BUB1B: variants seen among roughly 807,000 people sequenced by gnomAD.
BUB1B encodes the protein mitotic checkpoint serine/threonine-protein kinase BUB1 beta.
A neutral mutation model predicts 137.7 loss-of-function variants in BUB1B; 86 were observed. That is an observed-to-expected ratio of 0.62 (90% CI 0.52 to 0.75). The LOEUF is 0.75. Ranked by LOEUF, BUB1B falls within the 30% of genes least tolerant of loss-of-function variation. BUB1B has a pLI of 0.00. For missense variants in BUB1B, 1,130 were observed against 1,236.9 expected (o/e 0.91, Z 1.30); for synonymous variants, 420 against 417.9 (o/e 1.00, Z -0.06).
chr15:40,179,466 C>A (rs1371467842), intron 5 of BUB1B, among the ~76,000 whole-genome samples: 1 of 152,090 alleles, frequency 6.6e-6, no homozygotes, highest in Admixed American at 6.5e-5. Context: ...TTTAGTGACA[C>A]TTATGTTAAT....
At chr15:40,187,637 C>T (rs1447162613) in intron 8 of BUB1B, among the ~76,000 whole-genome samples, 2 of 151,966 alleles carry the variant, frequency 1.3e-5, no homozygotes, top group Non-Finnish European at 2.9e-5. Context: ...AGCTTGGCAT[C>T]GTGGCTCATG....
rs72731441 is a variant in BUB1B, at chr15:40,167,633, G to A, written c.180-2429G>A. Among the ~76,000 whole-genome samples the A allele has an allele frequency of 4.8e-3, 730 of 152,254 alleles. 5 individuals are homozygous for A. The highest frequency in any genetic ancestry group is 7.0e-3 in the Non-Finnish European group (479 of 68,024). On this transcript the variant is annotated intron_variant, in intron 2 of 22. Coordinates refer to ENST00000287598, the MANE Select transcript of BUB1B (RefSeq NM_001211.6). ...TGGGATTACGGGCATGAGCCACTGC[G>A]TCCAGCCAAGCATTATTTTAGCTTT...
chr15:40,171,760 A>G (rs1202705937), intron 4 of BUB1B, among the ~76,000 whole-genome samples: 1 of 152,116 alleles, frequency 6.6e-6, no homozygotes, highest in African/African-American at 2.4e-5. Flanking sequence ...CACCTAGTAT[A>G]TTGCTACAGC....
chr15:40,210,639 A>G (rs1457179953), intron 18 of BUB1B, among the ~76,000 whole-genome samples: 1 of 152,074 alleles, frequency 6.6e-6, no homozygotes, highest in Admixed American at 6.6e-5. Flanking sequence ...CCTCTGGAAT[A>G]GCTGGGACCG....
chr15:40,165,302 T>C, intron 2 of BUB1B, 106 bp downstream of exon 2: 3 of 1,479,340 alleles, frequency 2.0e-6, no homozygotes, highest in East Asian at 2.3e-5. Flanking sequence ...TTTTCAAAAA[T>C]TGGTAGTATG....
At chr15:40,212,438 A>G (rs932343165) in intron 18 of BUB1B, 61 bp from the exon 19 acceptor site, 2 of 1,360,784 alleles carry the variant, frequency 1.5e-6, no homozygotes, top group Non-Finnish European at 2.1e-6. Flanking sequence ...AATGTGTTTC[A>G]ACCTGCCAGC....
In BUB1B at chr15:40,199,640, G is replaced by A; in HGVS notation, c.1314G>A (p.Lys438=). The change falls in exon 10 of 23, where the codon AAG becomes AAA. Residue 438 remains lysine, a synonymous_variant. Coordinates refer to ENST00000287598, the MANE Select transcript of BUB1B (RefSeq NM_001211.6). ...REAELLTSAE[K]RAEMQKQIEE... is the part of the protein sequence containing the mutation. ...CCGAGCTATTGACCAGTGCAGAGAA[G>A]AGAGCAGAAATGCAGAAACAGATTG... The A allele has an allele frequency of 6.2e-7, 1 of 1,613,998 alleles. No individual in the cohort carries two copies. The highest frequency in any genetic ancestry group is 8.5e-7 in the Non-Finnish European group (1 of 1,179,898).
chr15:40,196,551 A>G lies in BUB1B; in HGVS notation c.1065A>G (p.Pro355=). The G allele has an allele frequency of 6.2e-7, 1 of 1,613,528 alleles. No homozygotes were observed. The highest frequency in any genetic ancestry group is 8.5e-7 in the Non-Finnish European group (1 of 1,179,568). Residue 355 remains proline (P), a synonymous_variant, in exon 9 of 23, where the codon CCA becomes CCG. Coordinates refer to ENST00000287598, the MANE Select transcript of BUB1B (RefSeq NM_001211.6). ...EETARQPVMT[P]CKIEPSINHI... ...AGTAATTTTGCTTCTTTAGGACACC[A>G]TGTAAAATTGAACCTAGTATAAACC...
intron 4 of BUB1B, among the ~76,000 whole-genome samples, chr15:40,175,680 A>G (rs1403549683): frequency 6.6e-6 from 1 of 152,154 alleles, no homozygotes; most frequent in Non-Finnish European, 1.5e-5. Flanking sequence ...TGACTATGTC[A>G]TTCCTTTGCT....
At chr15:40,216,566 TATATA>T (rs1389645171) in intron 20 of BUB1B, among the ~76,000 whole-genome samples, 1,188 of 95,706 alleles carry the variant, frequency 0.012, 29 homozygotes, top group East Asian at 0.079. Context: ...TATATATATA[TATATA>T]TTTTTTTTTT....
intron 8 of BUB1B, among the ~76,000 whole-genome samples, chr15:40,188,662 A>T (rs931971933): frequency 1.4e-5 from 2 of 145,974 alleles, no homozygotes; most frequent in African/African-American, 5.1e-5. Context: ...AGCTCACTGT[A>T]ACCTCCGCCT....
At chr15:40,200,414 C>A (rs944584776) in intron 11 of BUB1B, 55 bp downstream of exon 11, 15 of 1,332,072 alleles carry the variant, frequency 1.1e-5, no homozygotes, top group Non-Finnish European at 1.5e-5. Context: ...TTAGAACCAA[C>A]CTTTGACTCT....
chr15:40,200,309 A>G lies in BUB1B; in HGVS notation c.1467A>G (p.Ile489Met). 6.2e-7 allele frequency: 1 copy of G among 1,614,030 alleles called. No homozygotes were observed. The highest frequency in any genetic ancestry group is 1.3e-5 in the African/African-American group (1 of 75,058). Residue 489 changes from isoleucine (I) to methionine (M), a missense_variant, in exon 11 of 23, where the codon ATA becomes ATG. Transcript: ENST00000287598. Reference protein sequence around the residue: ...KLQIASESQKIPGMTLSSSVC... With the variant: ...KLQIASESQKMPGMTLSSSVC... ...AAATTGCTTCCGAGTCTCAGAAAAT[A>G]CCAGGAATGACTCTATCCAGTTCTG...
chr15:40,207,963 C>T (rs2037658204), intron 15 of BUB1B, among the ~76,000 whole-genome samples: 1 of 149,432 alleles, frequency 6.7e-6, no homozygotes, highest in Admixed American at 6.6e-5. Flanking sequence ...CTCAGCCTCC[C>T]AAGTAGTCCC....
At position 40,217,510 on chromosome 15, in the gene BUB1B, A is replaced by G. The variant is rs757927200; in HGVS notation, c.2693A>G (p.Tyr898Cys). 7 of 1,613,874 alleles carry G rather than the reference A, an allele frequency of 4.3e-6. No homozygotes were observed. The Admixed American group carries it at 1.0e-4, about 23-fold the overall frequency. ...LILRNRIHDPYDCNKNNQALK... is the reference protein window; with the variant it reads ...LILRNRIHDPCDCNKNNQALK... ...TCTGGGCTCAGAATCCACGATCCCT[A>G]TGATTGTAACAAGAACAATCAAGCT... The change falls in exon 21 of 23, where the codon TAT (tyrosine) becomes TGT (cysteine). Residue 898 changes from tyrosine to cysteine, a missense_variant. Transcript: ENST00000287598.
At chr15:40,198,424 T>C (rs1004090468) in intron 9 of BUB1B, among the ~76,000 whole-genome samples, 1 of 152,132 alleles carries the variant, frequency 6.6e-6, no homozygotes, top group African/African-American at 2.4e-5. Context: ...CATGAACTTG[T>C]ATAAATTCCC....
intron 14 of BUB1B, 76 bp from the exon 15 acceptor site, chr15:40,206,108 A>T: frequency 6.9e-7 from 1 of 1,459,324 alleles, no homozygotes; most frequent in Non-Finnish European, 9.6e-7. Context: ...TCACTGAGCT[A>T]ATATGTCTCT....
intron 21 of BUB1B, 47 bp downstream of exon 21, chr15:40,217,714 C>G: frequency 6.2e-7 from 1 of 1,602,402 alleles, no homozygotes; most frequent in East Asian, 2.2e-5. Flanking sequence ...GTTTCTTAAT[C>G]TCTTTATTAT....
In BUB1B at chr15:40,200,332, C is replaced by T. The variant is rs1442067238; in HGVS notation, c.1490C>T (p.Ser497Phe). The change falls in exon 11 of 23, where the codon TCT (serine) becomes TTT (phenylalanine). Residue 497 changes from serine to phenylalanine, a missense_variant. Transcript: ENST00000287598. Reference sequence around the variant, plus strand: ...ATACCAGGAATGACTCTATCCAGTTCTGTTTGTCAAGTAAACTGTTGTGCC... The same window carrying T: ...ATACCAGGAATGACTCTATCCAGTTTTGTTTGTCAAGTAAACTGTTGTGCC... ...QKIPGMTLSSSVCQVNCCARE... is the reference protein window; with the variant it reads ...QKIPGMTLSSFVCQVNCCARE... 4 of 1,613,712 alleles carry T rather than the reference C, an allele frequency of 2.5e-6. No homozygotes were observed. The highest frequency in any genetic ancestry group is 3.4e-6 in the Non-Finnish European group (4 of 1,179,802).
Sources: allele counts gnomAD v4.1 joint callset (sites outside exome capture counted in the v4.1 genomes callset), GRCh38; gene constraint gnomAD v4.1.1; transcripts MANE v1.5; gene names NCBI Gene and HGNC (gene_info 2026-07-23, HGNC 2026-07-21).